The following SLC39A8 variants were observed in gnomAD, a reference collection of about 807,000 sequenced individuals.
SLC39A8 encodes the protein metal cation symporter ZIP8.
A neutral mutation model predicts 40.4 loss-of-function variants in SLC39A8; 15 were observed. The ratio of observed to expected loss-of-function variants is 0.37; its 90% CI spans 0.25 to 0.57. The LOEUF (loss-of-function observed/expected upper bound fraction) is 0.57. Among genes scored for constraint, SLC39A8 ranks in the 20% least tolerant of loss-of-function variants. The pLI is 0.75. For missense variants in SLC39A8, 472 were observed against 558.8 expected, an observed-to-expected ratio of 0.84 and a Z score of 1.57; for synonymous variants, 223 against 221.6, an observed-to-expected ratio of 1.01 and a Z score of -0.06.
chr4:102,251,247 T>TA (rs1288718627), exon 12 of SLC39A8: 1 of 152,216 alleles, frequency 6.6e-6, no homozygotes, highest in Non-Finnish European at 1.5e-5. Context: ...TACTTGAAAC[T>TA]AAATAATATA....
chr4:102,261,220 TA>T (rs1731840155), downstream of SLC39A8, among the ~76,000 whole-genome samples: 1 of 152,198 alleles, frequency 6.6e-6, no homozygotes, highest in African/African-American at 2.4e-5. Context: ...AAGTGAGACC[TA>T]AAGGAAGATG....
chr4:102,341,911 T>C (rs1176592154), intron 2 of SLC39A8, among the ~76,000 whole-genome samples: 1 of 152,258 alleles, frequency 6.6e-6, no homozygotes, highest in Non-Finnish European at 1.5e-5. Context: ...AATAAATTCC[T>C]GGACCTTGAA....
chr4:102,323,046 GT>G lies in SLC39A8; in HGVS notation c.220-7217del, dbSNP rs1372194450. Among the ~76,000 whole-genome samples, 18 of 152,288 alleles carry G rather than the reference GT, an allele frequency of 1.2e-4. No individual in the cohort carries two copies. In the East Asian group the frequency reaches 3.5e-3, roughly 29 times the overall value. ...ACAGCTACTTTCTGAAATTTGCCATGTATGCAGCTGTGATGAAAGCCATGAA... is the reference window on the plus strand; with the variant it reads ...ACAGCTACTTTCTGAAATTTGCCATGATGCAGCTGTGATGAAAGCCATGAA... On this transcript the variant is annotated intron_variant, in intron 2 of 8. Coordinates refer to ENST00000356736, the MANE Select transcript of SLC39A8 (RefSeq NM_001135146.2).
intron 2 of SLC39A8, among the ~76,000 whole-genome samples, chr4:102,339,332 A>T (rs1394732452): frequency 1.3e-5 from 2 of 152,106 alleles, no homozygotes; most frequent in Non-Finnish European, 2.9e-5. Flanking sequence ...GGGAAAAAAA[A>T]AAAAGAACAA....
At chr4:102,294,796 T>C (rs529484693) in intron 6 of SLC39A8, among the ~76,000 whole-genome samples, 1 of 151,920 alleles carries the variant, frequency 6.6e-6, no homozygotes, top group Non-Finnish European at 1.5e-5. Flanking sequence ...AACAGATGAA[T>C]AGGAAACATA....
intron 6 of SLC39A8, among the ~76,000 whole-genome samples, chr4:102,280,237 G>A (rs1432881912): frequency 6.6e-6 from 1 of 152,146 alleles, no homozygotes; most frequent in African/African-American, 2.4e-5. Context: ...GTTGTTGACA[G>A]CTCCACTGTT....
chr4:102,316,617 T>C (rs1210369273), intron 2 of SLC39A8, among the ~76,000 whole-genome samples: 1 of 152,198 alleles, frequency 6.6e-6, no homozygotes, highest in Non-Finnish European at 1.5e-5. Context: ...CTGAATGTCA[T>C]AAGAATTATA....
chr4:102,265,344 C>G (rs529433595), intron 8 of SLC39A8, among the ~76,000 whole-genome samples: 2 of 151,938 alleles, frequency 1.3e-5, no homozygotes, highest in African/African-American at 4.8e-5. Flanking sequence ...AAAACACACA[C>G]AACATTTGTC....
intron 2 of SLC39A8, among the ~76,000 whole-genome samples, chr4:102,320,486 GTATA>G (rs1410222904): frequency 2.7e-5 from 2 of 74,268 alleles, no homozygotes. Context: ...ATATATGAGA[GTATA>G]TATATATGAG....
chr4:102,336,832 C>A (rs993967651), intron 2 of SLC39A8, among the ~76,000 whole-genome samples: 2 of 152,056 alleles, frequency 1.3e-5, no homozygotes, highest in African/African-American at 2.4e-5. Flanking sequence ...CTGAAACAGA[C>A]AATTGGGAAT....
chr4:102,310,574 T>C (rs1160163029), intron 3 of SLC39A8, among the ~76,000 whole-genome samples: 3 of 152,132 alleles, frequency 2.0e-5, no homozygotes, highest in African/African-American at 7.2e-5. Flanking sequence ...CCCTTGCACA[T>C]TTATCAGCAC....
chr4:102,301,487 A>G (rs1733926195), intron 6 of SLC39A8, among the ~76,000 whole-genome samples: 1 of 150,138 alleles, frequency 6.7e-6, no homozygotes, highest in Non-Finnish European at 1.5e-5. Flanking sequence ...TTACTATATG[A>G]TATTTTCTTG....
chr4:102,316,366 C>A (rs1734657400), intron 2 of SLC39A8, among the ~76,000 whole-genome samples: 1 of 152,108 alleles, frequency 6.6e-6, no homozygotes, highest in African/African-American at 2.4e-5. Context: ...TTTGCACAAA[C>A]TGTTTTTCAT....
intron 2 of SLC39A8, among the ~76,000 whole-genome samples, chr4:102,342,480 A>G (rs2149058787): frequency 6.6e-6 from 1 of 152,314 alleles, no homozygotes; most frequent in South Asian, 2.1e-4. Context: ...CCTGAGCAAC[A>G]AGAGTAAAAC....
chr4:102,317,920 G>A (rs562080417), intron 2 of SLC39A8, among the ~76,000 whole-genome samples: 7 of 152,236 alleles, frequency 4.6e-5, no homozygotes, highest in African/African-American at 1.7e-4. Context: ...CTAAGGCACA[G>A]TCTGCATTTT....
intron 6 of SLC39A8, among the ~76,000 whole-genome samples, chr4:102,297,084 A>C (rs1733709699): frequency 6.6e-6 from 1 of 152,142 alleles, no homozygotes. Flanking sequence ...TTTAATTTTA[A>C]AAAGAGGAAT....
At chr4:102,323,181 C>A (rs935271236) in intron 2 of SLC39A8, among the ~76,000 whole-genome samples, 2 of 152,166 alleles carry the variant, frequency 1.3e-5, no homozygotes, top group African/African-American at 2.4e-5. Flanking sequence ...CTGTTCTGCT[C>A]TTATAGAAGC....
At chr4:102,282,874 G>T (rs1334551826) in intron 6 of SLC39A8, among the ~76,000 whole-genome samples, 1 of 152,026 alleles carries the variant, frequency 6.6e-6, no homozygotes, top group Non-Finnish European at 1.5e-5. Flanking sequence ...CTACAGGTGC[G>T]TGCCACCATG....
chr4:102,310,061 C>T (rs1008229162), intron 3 of SLC39A8, among the ~76,000 whole-genome samples: 6 of 152,166 alleles, frequency 3.9e-5, no homozygotes, highest in African/African-American at 9.6e-5. Context: ...GAAATCGCCC[C>T]TCATAAACTG....
Sources: gnomAD v4.1 joint callset for allele counts (sites outside exome capture counted in the v4.1 genomes callset) on GRCh38, gnomAD v4.1.1 for gene constraint, MANE v1.5 for transcripts, NCBI Gene and HGNC (gene_info 2026-07-23, HGNC 2026-07-21) for gene names.